The following ZNF496 variants were observed in gnomAD, a reference collection of about 807,000 sequenced individuals.
The protein encoded by ZNF496 is zinc finger protein 496.
In ZNF496, 11 loss-of-function variants were observed where a neutral mutation model predicts 58.9. The observed-to-expected ratio is 0.19, with a 90% CI of 0.12 to 0.31. The LOEUF (loss-of-function observed/expected upper bound fraction) is 0.31. ZNF496 is among the 10% of genes least tolerant of loss of function. The probability of loss-of-function intolerance (pLI) is 1.00; values close to 1 mark genes in which losing one functional copy is unlikely to be tolerated. For missense variants in ZNF496, 660 were observed against 783.0 expected, an observed-to-expected ratio of 0.84 and a Z score of 1.88; for synonymous variants, 338 against 318.2, an observed-to-expected ratio of 1.06 and a Z score of -0.66.
chr1:247,330,024 T>C lies in ZNF496; in HGVS notation c.-96A>G, dbSNP rs1660267186. The C allele has an allele frequency of 6.3e-6, 1 of 159,304 alleles. No homozygotes were observed. The highest frequency in any genetic ancestry group is 6.5e-5 in the Admixed American group (1 of 15,500). The allele number at this position is 159,304 out of a possible 1,614,324, so 9.9% of individuals were successfully genotyped here. On this transcript the variant is annotated 5_prime_UTR_variant, in exon 3 of 10. Transcript: ENST00000682384. ...GATGGGCAGGCCAAGCAGGCCACTA[T>C]CTTGAAGCTCCGGAGCCGAAGTCAC...
chr1:247,306,949 T>C (rs1659434615), intron 9 of ZNF496: 1 of 349,028 alleles, frequency 2.9e-6, no homozygotes, highest in Non-Finnish European at 4.0e-6. Flanking sequence ...CACAGAATCA[T>C]GTCATCATGT....
chr1:247,301,062 C>A lies in ZNF496; in HGVS notation c.1221G>T (p.Val407=), dbSNP rs761382974. Residue 407 remains valine, a synonymous_variant, in exon 10 of 10, where the codon GTG becomes GTT. Coordinates refer to ENST00000682384, the MANE Select transcript of ZNF496 (RefSeq NM_032752.3). ...GGAAGATTTTCCCACAGTTCGGACA[C>A]ACGTAGGACTTCTTGGAGGTCTGCA... The part of the protein sequence containing the change: ...GEVQTSKKSY[V]CPNCGKIFRW... 2.5e-6 allele frequency: 4 copies of A among 1,613,770 alleles called. No individual in the cohort carries two copies. The Admixed American group carries it at 6.7e-5, about 27-fold the overall frequency.
chr1:247,301,405 G>C, intron 9 of ZNF496, 129 bp from the exon 10 acceptor site: 6 of 1,255,658 alleles, frequency 4.8e-6, no homozygotes, highest in Non-Finnish European at 6.4e-6. Context: ...CGGTGACCGG[G>C]GCGGCCTGGC....
chr1:247,325,123 C>A (rs1342766748), intron 5 of ZNF496, among the ~76,000 whole-genome samples: 1 of 152,220 alleles, frequency 6.6e-6, no homozygotes. Flanking sequence ...GTGTCCCTGG[C>A]CTTTCAGACC....
chr1:247,329,207 G>A lies in ZNF496; in HGVS notation c.372C>T (p.Pro124=), dbSNP rs753661948. Residue 124 remains proline, a synonymous_variant, in exon 4 of 10, where the codon CCC becomes CCT. Coordinates refer to ENST00000682384, the MANE Select transcript of ZNF496 (RefSeq NM_032752.3). The surrounding 1 kb of genome is among the most constrained non-coding windows in gnomAD (Gnocchi z 5.5). ...TACTCACCCACTGCCAGGGTCTCCC[G>A]GGCTCCCGTTCCAGTGCCTCCACCG... The part of the protein sequence containing the change: ...VAAVEALERE[P]GRPWQWLKHC... 2.0e-5 allele frequency: 32 copies of A among 1,613,250 alleles called. No homozygotes were observed. Among genetic ancestry groups the A allele is most frequent in the South Asian group, 5.5e-5 (5 of 91,078 alleles).
Position 247,329,363 on chromosome 1 carries a change from C to A in ZNF496, c.216G>T (p.Arg72=), listed in dbSNP as rs1660242381. The A allele has an allele frequency of 6.2e-7, 1 of 1,613,426 alleles. No homozygotes were observed. The highest frequency in any genetic ancestry group is 1.3e-5 in the African/African-American group (1 of 74,932). ...RLWDLCGGWL[R]PERHTKEQIL... is the part of the protein sequence containing the mutation. The stretch of plus-strand genomic sequence containing the variant: ...TCTGCTCCTTGGTGTGCCTCTCAGG[C>A]CGCAGCCAGCCCCCGCACAGGTCCC... The change falls in exon 4 of 10, where the codon CGG becomes CGT. Residue 72 remains arginine, a synonymous_variant. Coordinates refer to ENST00000682384, the MANE Select transcript of ZNF496 (RefSeq NM_032752.3). The surrounding 1 kb of genome is among the most constrained non-coding windows in gnomAD (Gnocchi z 5.5).
intron 9 of ZNF496, among the ~76,000 whole-genome samples, chr1:247,301,906 G>A (rs1227605540): frequency 4.6e-5 from 7 of 152,174 alleles, no homozygotes; most frequent in Non-Finnish European, 2.9e-5. Flanking sequence ...GTCCCAGACT[G>A]CCCAGAGTCC....
chr1:247,328,714 G>A lies in ZNF496; in HGVS notation c.543C>T (p.Ser181=). 6.2e-7 allele frequency: 1 copy of A among 1,605,256 alleles called. No individual in the cohort carries two copies. The highest frequency in any genetic ancestry group is 8.5e-7 in the Non-Finnish European group (1 of 1,175,688). ...CCCCGCTGAGCTGGCTTGGTGGTCT[G>A]CTTGGGAGCCCCAGGCACTGTGCCA... ...ITLAQCLGLP[S]RPPSQLSGDP... The change falls in exon 5 of 10, where the codon AGC becomes AGT. Residue 181 remains serine, a synonymous_variant. Transcript: ENST00000682384.
chr1:247,320,741 AAACTTCAC>A (rs989319201), intron 6 of ZNF496, among the ~76,000 whole-genome samples: 2 of 152,246 alleles, frequency 1.3e-5, no homozygotes, highest in African/African-American at 4.8e-5. Flanking sequence ...AAGAAAAACA[AAACTTCAC>A]GTGTACCATG....
At chr1:247,321,349 G>A (rs1257327816) in intron 6 of ZNF496, among the ~76,000 whole-genome samples, 3 of 152,150 alleles carry the variant, frequency 2.0e-5, no homozygotes, top group Admixed American at 2.0e-4. Flanking sequence ...CATGGAGGTT[G>A]CCAGGGGCTA....
chr1:247,330,642 G>A (rs1660291461), intron 2 of ZNF496, among the ~76,000 whole-genome samples: 2 of 152,222 alleles, frequency 1.3e-5, no homozygotes, highest in Non-Finnish European at 2.9e-5. Context: ...ACTTTAGAAC[G>A]CTGGGCCCGT....
chr1:247,302,451 T>C (rs1248811673), intron 9 of ZNF496, among the ~76,000 whole-genome samples: 8 of 148,706 alleles, frequency 5.4e-5, no homozygotes, highest in Admixed American at 4.1e-4. Context: ...AGGGAAATCA[T>C]CAGATGAAGA....
chr1:247,310,525 A>G, intron 6 of ZNF496, 69 bp from the exon 7 acceptor site: 2 of 1,590,248 alleles, frequency 1.3e-6, no homozygotes, highest in Non-Finnish European at 1.7e-6. Context: ...TAGTCCACTG[A>G]GGCTGTGACA....
chr1:247,321,477 C>T (rs759811287), intron 6 of ZNF496, among the ~76,000 whole-genome samples: 15 of 152,140 alleles, frequency 9.9e-5, no homozygotes, highest in African/African-American at 4.8e-5. Context: ...ACCACTGAAC[C>T]GCACACTTAA....
chr1:247,311,430 G>GACACACACACACACACACACACACAC (rs71820609), intron 6 of ZNF496: 3 of 139,480 alleles, frequency 2.2e-5, no homozygotes, highest in African/African-American at 5.7e-5. Flanking sequence ...CACACACAGA[G>GACACACACACACACACACACACACAC]ACACACACAC....
chr1:247,327,295 C>T (rs1419601117), intron 5 of ZNF496, among the ~76,000 whole-genome samples: 1 of 152,226 alleles, frequency 6.6e-6, no homozygotes, highest in Non-Finnish European at 1.5e-5. Flanking sequence ...AACTCCTGAC[C>T]TCAGGTGATC....
At chr1:247,310,600 T>C in intron 6 of ZNF496, 144 bp from the exon 7 acceptor site, 1 of 1,102,884 alleles carries the variant, frequency 9.1e-7, no homozygotes, top group Non-Finnish European at 1.3e-6. Context: ...TTCTGGAGGC[T>C]GGACGTCCAA....
At chr1:247,313,760 G>C (rs79016673) in intron 6 of ZNF496, 86 of 152,330 alleles carry the variant, frequency 5.6e-4, no homozygotes, top group African/African-American at 2.0e-3. Flanking sequence ...ACATCAAGAA[G>C]ACAGCGGATT....
At position 247,315,082 on chromosome 1, in the gene ZNF496, T is replaced by TA. The variant is rs397983655; in HGVS notation, c.652-4627dup. Among the ~76,000 whole-genome samples the TA allele has an allele frequency of 1.7e-3, 205 of 122,782 alleles. 2 individuals carry two copies. The highest frequency in any genetic ancestry group is 0.01 in the East Asian group (43 of 4,242). 80.5% of individuals were successfully genotyped at this position (122,782 alleles called of 152,430 possible). On this transcript the variant is annotated intron_variant, in intron 6 of 9. Transcript: ENST00000682384. ...AGTCTTTTTTTTTTTTTTTTTTTTT[T>TA]AAAAAAAGCAAAAATATAGAGGGCA...
Sources: gnomAD v4.1 joint callset for allele counts (sites outside exome capture counted in the v4.1 genomes callset) on GRCh38, gnomAD v4.1.1 for gene constraint, Gnocchi (gnomAD v3.1) non-coding constraint, MANE v1.5 for transcripts, NCBI Gene and HGNC (gene_info 2026-07-23, HGNC 2026-07-21) for gene names.